The following BAZ2B variants were observed in gnomAD, a reference collection of about 807,000 sequenced individuals.
BAZ2B encodes the protein bromodomain adjacent to zinc finger domain 2B.
In BAZ2B, 91 loss-of-function variants were observed where a neutral mutation model predicts 246.0. The ratio of observed to expected loss-of-function variants is 0.37; its 90% confidence interval spans 0.31 to 0.44. The LOEUF is 0.44. Ranked by LOEUF, BAZ2B falls within the 20% of genes least tolerant of loss-of-function variation. The pLI, the probability that BAZ2B is intolerant of heterozygous loss-of-function variation, is 1.00. For synonymous variants in BAZ2B, 855 were observed against 860.0 expected (o/e 0.99, Z 0.10); for missense variants, 2,332 against 2,533.7 (o/e 0.92, Z 1.71).
chr2:159,498,156 A>G (rs774831144), intron 2 of BAZ2B, among the ~76,000 whole-genome samples: 9 of 152,240 alleles, frequency 5.9e-5, no homozygotes, highest in African/African-American at 1.2e-4. Context: ...CTTACTTCAA[A>G]GAGTTATAAA....
At chr2:159,352,053 A>G (rs577677639) in intron 27 of BAZ2B, among the ~76,000 whole-genome samples, 6 of 152,338 alleles carry the variant, frequency 3.9e-5, no homozygotes, top group Admixed American at 2.0e-4. Context: ...TAGAATAAAA[A>G]CCAAACTCCT....
chr2:159,389,891 A>G (rs1412538993), intron 20 of BAZ2B, among the ~76,000 whole-genome samples: 1 of 152,048 alleles, frequency 6.6e-6, no homozygotes, highest in African/African-American at 2.4e-5. Context: ...AGCTAGTCTT[A>G]AGACAGCACC....
At chr2:159,694,594 T>A in the BAZ2B span, 9 of 152,326 alleles carry the variant, frequency 5.9e-5, no homozygotes, top group African/African-American at 2.2e-4. Context: ...ATGTGACCTT[T>A]TATGTTTGGT....
intron 2 of BAZ2B, among the ~76,000 whole-genome samples, chr2:159,489,602 A>T (rs2080221519): frequency 6.6e-6 from 1 of 152,192 alleles, no homozygotes; most frequent in Non-Finnish European, 1.5e-5. Context: ...CCGAAAAAGA[A>T]ATTGAAATCT....
chr2:159,462,403 T>C, intron 3 of BAZ2B: 3 of 1,282,884 alleles, frequency 2.3e-6, no homozygotes, highest in Non-Finnish European at 3.4e-6. Context: ...TTAGGCATTC[T>C]GCATTTCTTT....
chr2:159,683,656 G>T, the BAZ2B span, among the ~76,000 whole-genome samples: 10 of 152,058 alleles, frequency 6.6e-5, no homozygotes, highest in Admixed American at 3.9e-4. Flanking sequence ...GTGTTAACAG[G>T]GCTGGTTCCT....
At position 159,320,150 on chromosome 2, in the gene BAZ2B, A is replaced by C; in HGVS notation, c.*115T>G. The C allele has an allele frequency of 2.1e-6, 2 of 936,490 alleles. No individual in the cohort carries two copies. Among genetic ancestry groups the C allele is most frequent in the Non-Finnish European group, 2.9e-6 (2 of 693,324 alleles). The allele number at this position is 936,490 out of a possible 1,614,324, so 58.0% of individuals were successfully genotyped here. On this transcript the variant is annotated 3_prime_UTR_variant, in exon 37 of 37. Coordinates refer to ENST00000392783, the MANE Select transcript of BAZ2B (RefSeq NM_013450.4). ...CTTCTGATACTTTTTTTTTATACTTAAGGAAAAAGAAAGTCATTATGTATG... is the reference window on the plus strand; with the variant it reads ...CTTCTGATACTTTTTTTTTATACTTCAGGAAAAAGAAAGTCATTATGTATG...
At chr2:159,605,569 A>T (rs192505109) in intron 1 of BAZ2B, among the ~76,000 whole-genome samples, 39 of 152,150 alleles carry the variant, frequency 2.6e-4, no homozygotes, top group African/African-American at 9.4e-4. Context: ...GGTCAAATTC[A>T]AGGTACTACG....
At chr2:159,341,978 A>T (rs2149036299) in intron 31 of BAZ2B, among the ~76,000 whole-genome samples, 1 of 152,342 alleles carries the variant, frequency 6.6e-6, no homozygotes, top group South Asian at 2.1e-4. Context: ...GCAAGAACAA[A>T]TCAAACCCCA....
chr2:159,598,656 C>A (rs940034215), intron 1 of BAZ2B, among the ~76,000 whole-genome samples: 41 of 151,754 alleles, frequency 2.7e-4, no homozygotes, highest in African/African-American at 9.0e-4. Flanking sequence ...GAGACCAGCC[C>A]GGCCAAACAG....
intron 31 of BAZ2B, among the ~76,000 whole-genome samples, chr2:159,344,661 A>G (rs1386167250): frequency 1.3e-5 from 2 of 152,254 alleles, no homozygotes; most frequent in East Asian, 3.8e-4. Context: ...AAAATGTGGC[A>G]TGTATACACA....
intron 3 of BAZ2B, among the ~76,000 whole-genome samples, chr2:159,457,299 G>A (rs2075894721): frequency 6.6e-6 from 1 of 152,190 alleles, no homozygotes; most frequent in Non-Finnish European, 1.5e-5. Context: ...AAACAAGTTT[G>A]TTAATATTTC....
intron 33 of BAZ2B, among the ~76,000 whole-genome samples, chr2:159,333,219 G>T (rs921784123): frequency 6.6e-6 from 1 of 152,058 alleles, no homozygotes; most frequent in Non-Finnish European, 1.5e-5. Context: ...GTGATAGATT[G>T]GAAAATGTGT....
At chr2:159,346,491 G>A (rs1223916514) in intron 31 of BAZ2B, among the ~76,000 whole-genome samples, 1 of 152,052 alleles carries the variant, frequency 6.6e-6, no homozygotes, top group Non-Finnish European at 1.5e-5. Context: ...GATCACTTGA[G>A]GTCAGGAGTT....
chr2:159,669,877 T>C, the BAZ2B span, among the ~76,000 whole-genome samples: 8 of 152,210 alleles, frequency 5.3e-5, no homozygotes, highest in African/African-American at 1.9e-4. Context: ...TAATATTTAA[T>C]GTGATTATTG....
chr2:159,410,414 T>C (rs1173408305), intron 14 of BAZ2B, among the ~76,000 whole-genome samples: 2 of 151,354 alleles, frequency 1.3e-5, no homozygotes, highest in Non-Finnish European at 1.5e-5. Flanking sequence ...CATGAGGGGG[T>C]TTCCCCCCAT....
In BAZ2B at chr2:159,431,027, G is replaced by C. The variant is rs1280077590; in HGVS notation, c.2030C>G (p.Ser677Cys). The change falls in exon 10 of 37, where the codon TCC becomes TGC. Residue 677 changes from serine to cysteine, a missense_variant. Ser to Cys is a moderately radical substitution (Grantham distance 112). This residue lies in a region of BAZ2B where 651 missense variants were observed against 650.9 expected (regional missense o/e 1.00). Coordinates refer to ENST00000392783, the MANE Select transcript of BAZ2B (RefSeq NM_013450.4). ...KTSMKLNKTTSSVKSPSMSLT... is the reference protein window; with the variant it reads ...KTSMKLNKTTCSVKSPSMSLT... The stretch of plus-strand genomic sequence containing the variant: ...ACTCATGGAAGGGCTTTTGACAGAG[G>C]AAGTTGTTTTATTCAGTTTCATTGA... The C allele has an allele frequency of 1.2e-6, 2 of 1,613,976 alleles. No individual in the cohort carries two copies. The highest frequency in any genetic ancestry group is 3.3e-5 in the Admixed American group (2 of 60,000).
intron 1 of BAZ2B, among the ~76,000 whole-genome samples, chr2:159,611,663 ATTATT>A (rs1694746405): frequency 6.6e-6 from 1 of 151,968 alleles, no homozygotes; most frequent in African/African-American, 2.4e-5. Context: ...GTAATGGCAA[ATTATT>A]TTAAGTGTTA....
intron 20 of BAZ2B, among the ~76,000 whole-genome samples, chr2:159,393,810 T>G (rs2063635905): frequency 6.6e-6 from 1 of 152,122 alleles, no homozygotes; most frequent in African/African-American, 2.4e-5. Context: ...TCATCAGCTG[T>G]ATTTATCCTG....
Sources: gnomAD v4.1 joint callset for allele counts (sites outside exome capture counted in the v4.1 genomes callset) on GRCh38, gnomAD v4.1.1 for gene constraint, gnomAD v4.1.1 regional missense constraint, MANE v1.5 for transcripts, NCBI Gene and HGNC (gene_info 2026-07-23, HGNC 2026-07-21) for gene names.